Variants in CSMD3 observed in about 807,000 individuals in gnomAD.
The protein encoded by CSMD3 is CUB and sushi domain-containing protein 3.
CSMD3 carries 177 observed loss-of-function variants against 435.2 expected under a neutral mutation model. That is an observed-to-expected ratio of 0.41 (90% CI 0.36 to 0.46). The LOEUF is 0.46. Among genes scored for constraint, CSMD3 ranks in the 20% least tolerant of loss-of-function variants. CSMD3 has a pLI of 0.34. For synonymous variants in CSMD3, 1,656 were observed against 1,520.5 expected (o/e 1.09, Z -2.07); for missense variants, 4,265 against 4,504.6 (o/e 0.95, Z 1.52).
At chr8:113,021,154 A>C (rs548935718) in intron 5 of CSMD3, among the ~76,000 whole-genome samples, 1 of 152,238 alleles carries the variant, frequency 6.6e-6, no homozygotes, top group East Asian at 1.9e-4. Flanking sequence ...CTCTTTTCAT[A>C]GGGATGAATC....
chr8:112,640,607 CCT>C (rs2074796385), intron 20 of CSMD3, among the ~76,000 whole-genome samples: 1 of 148,448 alleles, frequency 6.7e-6, no homozygotes, highest in Admixed American at 6.7e-5. Flanking sequence ...TTTTTTTTCT[CCT>C]CTCTATAATT....
chr8:112,981,986 T>C (rs911814960), intron 6 of CSMD3, among the ~76,000 whole-genome samples: 1 of 151,818 alleles, frequency 6.6e-6, no homozygotes, highest in Non-Finnish European at 1.5e-5. Context: ...AAAAATATAA[T>C]AAGAGTGTGC....
rs116276540 is a variant in CSMD3 at position 113,280,567 on chromosome 8, C to A, written c.402-1863G>T. Among the ~76,000 whole-genome samples, 900 of 151,892 alleles carry A rather than the reference C, an allele frequency of 5.9e-3. 8 individuals are homozygous for A. Among genetic ancestry groups the A allele is most frequent in the African/African-American group, 0.02 (841 of 41,500 alleles). On this transcript the variant is annotated intron_variant, in intron 2 of 70. Transcript: ENST00000297405. The stretch of plus-strand genomic sequence containing the variant: ...GATTTCTTCTCTTTTCTTGGTTAAT[C>A]TTGTGAATGGTCTATCCATTTTATC...
intron 23 of CSMD3, among the ~76,000 whole-genome samples, chr8:112,580,697 G>T (rs913453304): frequency 1.3e-5 from 2 of 152,044 alleles, no homozygotes; most frequent in African/African-American, 4.8e-5. Flanking sequence ...ATGCAAAGAG[G>T]TTTTGCAGTT....
intron 22 of CSMD3, among the ~76,000 whole-genome samples, chr8:112,597,094 G>C (rs1256749395): frequency 3.3e-5 from 5 of 151,884 alleles, no homozygotes; most frequent in African/African-American, 9.7e-5. Context: ...TTTTTGAAAG[G>C]ATCAACAAAA....
intron 11 of CSMD3, among the ~76,000 whole-genome samples, chr8:112,844,018 C>T (rs534649988): frequency 1.3e-5 from 2 of 151,884 alleles, no homozygotes; most frequent in East Asian, 1.9e-4. Flanking sequence ...ACTGGCTCAC[C>T]CTGCAAATTT....
At chr8:113,089,461 A>G (rs1381969042) in intron 5 of CSMD3, among the ~76,000 whole-genome samples, 1 of 152,210 alleles carries the variant, frequency 6.6e-6, no homozygotes, top group Non-Finnish European at 1.5e-5. Context: ...ACATAGAGTT[A>G]ACAATACATT....
intron 13 of CSMD3, among the ~76,000 whole-genome samples, chr8:112,751,958 A>C (rs1193311345): frequency 6.6e-6 from 1 of 152,068 alleles, no homozygotes; most frequent in Non-Finnish European, 1.5e-5. Flanking sequence ...AATCCAGTAC[A>C]TCATTCCAAC....
chr8:113,146,198 T>C (rs1395222136), intron 4 of CSMD3, among the ~76,000 whole-genome samples: 1 of 151,594 alleles, frequency 6.6e-6, no homozygotes, highest in Non-Finnish European at 1.5e-5. Flanking sequence ...TGAATGCTTA[T>C]TGTGTTTCCT....
chr8:113,031,046 G>T (rs2087088016), intron 5 of CSMD3, among the ~76,000 whole-genome samples: 1 of 151,634 alleles, frequency 6.6e-6, no homozygotes, highest in Non-Finnish European at 1.5e-5. Context: ...ATGCTAGCAT[G>T]AATGTAAAAT....
intron 24 of CSMD3, among the ~76,000 whole-genome samples, chr8:112,565,401 C>A (rs571226089): frequency 1.3e-5 from 2 of 152,118 alleles, no homozygotes; most frequent in South Asian, 4.2e-4. Context: ...CAACAACAAA[C>A]CGGTAACTAA....
At chr8:113,092,314 C>T (rs940596383) in intron 5 of CSMD3, among the ~76,000 whole-genome samples, 2 of 152,060 alleles carry the variant, frequency 1.3e-5, no homozygotes, top group African/African-American at 2.4e-5. Flanking sequence ...TAAACACACA[C>T]ATATTTCTAT....
chr8:113,168,436 G>T lies in CSMD3; in HGVS notation c.709+5286C>A, dbSNP rs111790306. 1.3e-4 allele frequency among the ~76,000 whole-genome samples: 18 copies of T among 141,260 alleles called. No individual in the cohort carries two copies. In the Admixed American group the frequency reaches 1.3e-3, roughly 11 times the overall value. 92.7% of individuals were successfully genotyped at this position (141,260 alleles called of 152,430 possible). A position where few individuals can be genotyped will look rare whatever the true frequency, so the allele number is the denominator to read the frequency against. On this transcript the variant is annotated intron_variant, in intron 4 of 70. Coordinates refer to ENST00000297405, the MANE Select transcript of CSMD3 (RefSeq NM_198123.2). ...CTTGGGAGGCTGAGGCAGGAGAATC[G>T]CTTGAACCTGGGAGGCAGAGGTTGC...
intron 32 of CSMD3, among the ~76,000 whole-genome samples, chr8:112,435,901 T>C (rs1814283365): frequency 6.6e-6 from 1 of 151,944 alleles, no homozygotes; most frequent in African/African-American, 2.4e-5. Flanking sequence ...GATGTTTTCA[T>C]TTTTTTGTAT....
At chr8:112,843,908 T>A (rs948107616) in intron 11 of CSMD3, among the ~76,000 whole-genome samples, 2 of 151,910 alleles carry the variant, frequency 1.3e-5, no homozygotes, top group African/African-American at 4.8e-5. Context: ...TTATTTGTTT[T>A]AAGCCACTAA....
At chr8:112,984,790 A>G (rs1300271965) in intron 6 of CSMD3, among the ~76,000 whole-genome samples, 1 of 152,128 alleles carries the variant, frequency 6.6e-6, no homozygotes, top group Non-Finnish European at 1.5e-5. Context: ...CAAAAAATGC[A>G]AATGTTATAC....
chr8:112,618,740 G>A (rs1442842208), intron 22 of CSMD3, among the ~76,000 whole-genome samples: 1 of 152,016 alleles, frequency 6.6e-6, no homozygotes, highest in Non-Finnish European at 1.5e-5. Context: ...GTTATTTCTG[G>A]CTATAGGCTT....
intron 47 of CSMD3, 21 bp downstream of exon 47, chr8:112,318,816 A>T (rs372079776): frequency 6.8e-7 from 1 of 1,480,008 alleles, no homozygotes; most frequent in Admixed American, 1.7e-5. Flanking sequence ...GAAATAAATA[A>T]TCATAGGAAC....
intron 5 of CSMD3, among the ~76,000 whole-genome samples, chr8:113,064,272 T>C (rs2088751614): frequency 6.6e-6 from 1 of 151,926 alleles, no homozygotes; most frequent in Non-Finnish European, 1.5e-5. Context: ...ATCCTTGAAT[T>C]CACAGATTAA....
Sources: allele counts gnomAD v4.1 joint callset (sites outside exome capture counted in the v4.1 genomes callset), GRCh38; gene constraint gnomAD v4.1.1; transcripts MANE v1.5; gene names NCBI Gene and HGNC (gene_info 2026-07-23, HGNC 2026-07-21).